CD34: variants seen among roughly 807,000 people sequenced by gnomAD.
CD34 encodes the protein hematopoietic progenitor cell antigen CD34.
CD34 carries 34 observed loss-of-function variants against 40.1 expected under a neutral mutation model. The observed-to-expected ratio is 0.85, with a 90% CI of 0.65 to 1.13. CD34 has a LOEUF of 1.13. Ranked by LOEUF, CD34 falls within the 50% of genes most tolerant of loss-of-function variation. The probability of loss-of-function intolerance (pLI) is 0.00; values close to 1 mark genes in which losing one functional copy is unlikely to be tolerated. For synonymous variants in CD34, 209 were observed against 190.0 expected, an observed-to-expected ratio of 1.10 and a Z score of -0.82; for missense variants, 426 against 466.9, an observed-to-expected ratio of 0.91 and a Z score of 0.81.
chr1:207,910,989 G>C lies in CD34; in HGVS notation c.79+13C>G. 6.4e-7 allele frequency: 1 copy of C among 1,571,806 alleles called. No homozygotes were observed. Among genetic ancestry groups the C allele is most frequent in the Non-Finnish European group, 8.6e-7 (1 of 1,161,588 alleles). ...GCGAAGCCAAGCGGCCGCGGCGCGC[G>C]GGCGGTACTCACGCAGCAAACTCAG... On this transcript the variant is annotated intron_variant, in intron 1 of 7. Transcript: ENST00000310833.
chr1:207,892,346 G>C (rs1013503527), intron 4 of CD34, among the ~76,000 whole-genome samples: 5 of 152,206 alleles, frequency 3.3e-5, no homozygotes, highest in South Asian at 2.1e-4. Flanking sequence ...GGGAGGCCGA[G>C]ATGGACAAAT....
At chr1:207,900,076 T>G (rs570226704) in intron 1 of CD34, 73 bp from the exon 2 acceptor site, 15 of 1,185,162 alleles carry the variant, frequency 1.3e-5, no homozygotes, top group Middle Eastern at 2.0e-4. Context: ...TGCAATTTCC[T>G]GACTTCAGGT....
At chr1:207,891,193 C>CAG (rs1357106500) in intron 4 of CD34, among the ~76,000 whole-genome samples, 1 of 152,204 alleles carries the variant, frequency 6.6e-6, no homozygotes, top group Non-Finnish European at 1.5e-5. Flanking sequence ...CACCTTCCTC[C>CAG]ACCTGCTGAG....
intron 1 of CD34, among the ~76,000 whole-genome samples, chr1:207,909,057 A>T (rs1662445730): frequency 6.6e-6 from 1 of 152,122 alleles, no homozygotes; most frequent in South Asian, 2.1e-4. Context: ...AACAAAACAA[A>T]TCCAAGCAAA....
At chr1:207,904,928 T>C (rs890878520) in intron 1 of CD34, among the ~76,000 whole-genome samples, 4 of 152,218 alleles carry the variant, frequency 2.6e-5, no homozygotes, top group African/African-American at 9.6e-5. Context: ...CTTGTTCTCA[T>C]GTTATATTTT....
intron 7 of CD34, 42 bp from the exon 8 acceptor site, chr1:207,887,965 G>A (rs1432198149): frequency 1.3e-6 from 2 of 1,593,518 alleles, no homozygotes; most frequent in Non-Finnish European, 1.7e-6. Flanking sequence ...TGGTAAGCAG[G>A]GCTGTGAGAC....
intron 5 of CD34, 33 bp downstream of exon 5, chr1:207,889,432 T>C (rs757399879): frequency 1.9e-6 from 3 of 1,591,184 alleles, no homozygotes; most frequent in Admixed American, 1.7e-5. Context: ...GCCCTACTCC[T>C]TCCCTGTTCC....
chr1:207,908,593 G>A (rs558308449), intron 1 of CD34, among the ~76,000 whole-genome samples: 10 of 152,226 alleles, frequency 6.6e-5, no homozygotes, highest in African/African-American at 9.6e-5. Context: ...GGGAGGGCCT[G>A]GGGGTGTTGT....
chr1:207,881,960 A>G lies in CD34; in HGVS notation c.*5778T>C, dbSNP rs1661818858. On this transcript the variant is annotated 3_prime_UTR_variant, in exon 8 of 8. Transcript: ENST00000310833. ...AGTTCTAAATTTTTAAGAGTGTAAG[A>G]GGGCTTTGAGAATAGCTGGTGTAGA... 1 of 152,224 alleles carries G rather than the reference A, an allele frequency of 6.6e-6. No individual in the cohort carries two copies. Among genetic ancestry groups the G allele is most frequent in the South Asian group, 2.1e-4 (1 of 4,834 alleles). 9.4% of individuals were successfully genotyped at this position (152,224 alleles called of 1,614,324 possible).
chr1:207,910,339 C>G (rs983899830), intron 1 of CD34, among the ~76,000 whole-genome samples: 2 of 152,200 alleles, frequency 1.3e-5, no homozygotes, highest in Non-Finnish European at 2.9e-5. Flanking sequence ...CTGTCTACTT[C>G]TACCTCCTCC....
intron 1 of CD34, among the ~76,000 whole-genome samples, chr1:207,902,624 TG>T (rs1662295106): frequency 6.6e-6 from 1 of 152,210 alleles, no homozygotes. Context: ...TACTGATTAC[TG>T]GGGACCCCAT....
rs1661848579 is a variant in CD34 at position 207,883,803 on chromosome 1, C to T, written c.*3935G>A. 1 of 152,070 alleles carries T rather than the reference C, an allele frequency of 6.6e-6. No individual in the cohort carries two copies. Among genetic ancestry groups the T allele is most frequent in the Non-Finnish European group, 1.5e-5 (1 of 68,000 alleles). 9.4% of individuals were successfully genotyped at this position (152,070 alleles called of 1,614,324 possible). On this transcript the variant is annotated 3_prime_UTR_variant, in exon 8 of 8. Transcript: ENST00000310833. ...AGTCCTGTTACCTCTACTTTGAAAC[C>T]ACTTTTTGAATTCTGCTTGATCTCA...
At chr1:207,903,036 G>A (rs1249066062) in intron 1 of CD34, among the ~76,000 whole-genome samples, 4 of 152,208 alleles carry the variant, frequency 2.6e-5, no homozygotes, top group African/African-American at 7.2e-5. Context: ...ACAAGTGGGA[G>A]GGCAGAAAGA....
chr1:207,889,872 T>TA (rs60281937), intron 4 of CD34: 16 of 1,554,214 alleles, frequency 1.0e-5, no homozygotes, highest in Non-Finnish European at 1.4e-5. Flanking sequence ...AGAACAAACT[T>TA]AAAAAAATTG....
At chr1:207,888,229 G>A in intron 7 of CD34, 1 of 1,119,554 alleles carries the variant, frequency 8.9e-7, no homozygotes, top group Non-Finnish European at 1.4e-6. Flanking sequence ...CCTCCCCAGG[G>A]TAGGGGACAG....
At chr1:207,906,844 C>CAAATAAATAAATAAAT (rs10687613) in intron 1 of CD34, among the ~76,000 whole-genome samples, 6 of 148,500 alleles carry the variant, frequency 4.0e-5, no homozygotes, top group South Asian at 2.2e-4. Flanking sequence ...AACTTCTTCT[C>CAAATAAATAAATAAAT]AAATAAATAA....
At chr1:207,891,269 T>C (rs775484681) in intron 4 of CD34, among the ~76,000 whole-genome samples, 3 of 152,174 alleles carry the variant, frequency 2.0e-5, no homozygotes, top group African/African-American at 4.8e-5. Context: ...AAAGCCTCTG[T>C]GCAAGTGTCA....
chr1:207,893,140 T>G (rs1558118987), intron 4 of CD34, among the ~76,000 whole-genome samples: 1 of 152,168 alleles, frequency 6.6e-6, no homozygotes, highest in African/African-American at 2.4e-5. Flanking sequence ...ATTTTGTTCA[T>G]GAGAATCAGA....
chr1:207,882,692 C>T lies in CD34; in HGVS notation c.*5046G>A, dbSNP rs924216234. The T allele has an allele frequency of 2.6e-5, 4 of 152,148 alleles. No homozygotes were observed. Among genetic ancestry groups the T allele is most frequent in the African/African-American group, 9.7e-5 (4 of 41,420 alleles). 9.4% of individuals were successfully genotyped at this position (152,148 alleles called of 1,614,324 possible). The stretch of plus-strand genomic sequence containing the variant: ...TGCTTTGCTTGAGCCTTAAAAGAAT[C>T]ACTCACATTTCTGGAACAATCACCC... On this transcript the variant is annotated 3_prime_UTR_variant, in exon 8 of 8. Coordinates refer to ENST00000310833, the MANE Select transcript of CD34 (RefSeq NM_001025109.2).
Sources: gnomAD v4.1 joint callset for allele counts (sites outside exome capture counted in the v4.1 genomes callset) on GRCh38, gnomAD v4.1.1 for gene constraint, MANE v1.5 for transcripts, NCBI Gene and HGNC (gene_info 2026-07-23, HGNC 2026-07-21) for gene names.